Variants in KLF12 observed in about 807,000 individuals in gnomAD.
KLF12 encodes the protein Krueppel-like factor 12.
In KLF12, 9 loss-of-function variants were observed where a neutral mutation model predicts 37.8. That is an observed-to-expected ratio of 0.24 (90% CI 0.14 to 0.42). The LOEUF (loss-of-function observed/expected upper bound fraction) is 0.42. KLF12 is among the 10% of genes least tolerant of loss of function. The pLI is 1.00. For synonymous variants in KLF12, 208 were observed against 202.1 expected, an observed-to-expected ratio of 1.03 and a Z score of -0.25; for missense variants, 411 against 516.0, an observed-to-expected ratio of 0.80 and a Z score of 1.97.
At chr13:73,874,106 A>T (rs1886596382) in intron 3 of KLF12, among the ~76,000 whole-genome samples, 1 of 152,202 alleles carries the variant, frequency 6.6e-6, no homozygotes, top group Admixed American at 6.5e-5. Context: ...GGAGCTGTGG[A>T]CTACTTATTA....
intron 3 of KLF12, among the ~76,000 whole-genome samples, chr13:73,895,614 TAA>T (rs984776156): frequency 2.6e-5 from 4 of 152,096 alleles, no homozygotes; most frequent in African/African-American, 9.6e-5. Flanking sequence ...ATATATAAAA[TAA>T]AGAGTGGGCG....
chr13:73,897,480 G>C (rs1887841154), intron 3 of KLF12, among the ~76,000 whole-genome samples: 1 of 152,114 alleles, frequency 6.6e-6, no homozygotes, highest in Non-Finnish European at 1.5e-5. Context: ...TATTCCTCCA[G>C]GGCTCTCTAT....
chr13:73,979,258 T>C (rs1187329295), intron 2 of KLF12, among the ~76,000 whole-genome samples: 1 of 152,128 alleles, frequency 6.6e-6, no homozygotes, highest in Non-Finnish European at 1.5e-5. Context: ...AGAGGCTACA[T>C]GTGTGTCGGA....
intron 5 of KLF12, chr13:73,799,968 T>C (rs1882199730): frequency 1.3e-5 from 2 of 152,120 alleles, no homozygotes; most frequent in Admixed American, 1.3e-4. Context: ...ATTTAGATAA[T>C]AGTTTCAATT....
At chr13:73,793,609 C>T (rs1024574372) in intron 5 of KLF12, among the ~76,000 whole-genome samples, 2 of 152,220 alleles carry the variant, frequency 1.3e-5, no homozygotes, top group East Asian at 1.9e-4. Flanking sequence ...CTATTGTCTT[C>T]ATGACTAGTA....
In KLF12 at chr13:73,962,266, A is replaced by T. The variant is rs1290379158; in HGVS notation, c.34-18196T>A. Among the ~76,000 whole-genome samples the T allele has an allele frequency of 3.3e-5, 5 of 152,246 alleles. No individual in the cohort carries two copies. The East Asian group carries it at 7.7e-4, about 23-fold the overall frequency. On this transcript the variant is annotated intron_variant, in intron 2 of 7. Coordinates refer to ENST00000377669, the MANE Select transcript of KLF12 (RefSeq NM_007249.5). The stretch of plus-strand genomic sequence containing the variant: ...TATCCTATATGATTTCAACTCTATG[A>T]CATTTTGGAAAAGGCAAAACTACTG...
intron 5 of KLF12, among the ~76,000 whole-genome samples, chr13:73,777,272 T>C (rs141850569): frequency 2.1e-4 from 32 of 152,292 alleles, no homozygotes; most frequent in African/African-American, 7.5e-4. Context: ...ACTACCTTAA[T>C]GGGAAGAAGG....
At chr13:73,843,032 T>C (rs1053820210) in intron 4 of KLF12, among the ~76,000 whole-genome samples, 3 of 152,170 alleles carry the variant, frequency 2.0e-5, no homozygotes, top group East Asian at 1.9e-4. Flanking sequence ...CTAATAAAAA[T>C]AGAAAATATG....
chr13:74,249,217 G>A, the KLF12 span, among the ~76,000 whole-genome samples: 1 of 151,556 alleles, frequency 6.6e-6, no homozygotes, highest in African/African-American at 2.4e-5. Flanking sequence ...AAGCTACAAA[G>A]ATCAAGTGTT....
chr13:73,695,409 C>T lies in KLF12; in HGVS notation c.*81G>A. On this transcript the variant is annotated 3_prime_UTR_variant, in exon 8 of 8. Transcript: ENST00000377669. ...ATGGTGATGCCCTTTTGTGTTAACA[C>T]TGTGAAGGGGATTCAGCCCTGCTGA... 7.3e-7 allele frequency: 1 copy of T among 1,377,594 alleles called. No homozygotes were observed. The highest frequency in any genetic ancestry group is 1.3e-5 in the South Asian group (1 of 79,658). 85.3% of individuals were successfully genotyped at this position (1,377,594 alleles called of 1,614,324 possible).
At chr13:73,703,848 G>A (rs1874729696) in intron 7 of KLF12, among the ~76,000 whole-genome samples, 1 of 152,110 alleles carries the variant, frequency 6.6e-6, no homozygotes, top group South Asian at 2.1e-4. Context: ...TCAGAACTGG[G>A]CACGGAGACT....
At chr13:73,946,862 G>A (rs1302345053) in intron 2 of KLF12, among the ~76,000 whole-genome samples, 1 of 152,144 alleles carries the variant, frequency 6.6e-6, no homozygotes, top group East Asian at 1.9e-4. Flanking sequence ...ATCACAGCAT[G>A]CTCCAAACTA....
intron 1 of KLF12, among the ~76,000 whole-genome samples, chr13:74,012,615 C>A (rs1172179184): frequency 6.6e-6 from 1 of 152,178 alleles, no homozygotes; most frequent in East Asian, 1.9e-4. Context: ...AAATGTCAAA[C>A]CTCTGACAAC....
intron 4 of KLF12, among the ~76,000 whole-genome samples, chr13:73,827,515 C>T (rs1311912236): frequency 6.6e-6 from 1 of 152,140 alleles, no homozygotes; most frequent in Non-Finnish European, 1.5e-5. Context: ...AAAGAACACT[C>T]CCACCTTCCC....
At chr13:73,837,411 T>G (rs1298498423) in intron 4 of KLF12, among the ~76,000 whole-genome samples, 1 of 152,172 alleles carries the variant, frequency 6.6e-6, no homozygotes, top group Admixed American at 6.6e-5. Context: ...AATTTTTTGA[T>G]GGAATCTATT....
intron 7 of KLF12, among the ~76,000 whole-genome samples, chr13:73,702,676 A>T (rs968573325): frequency 1.8e-4 from 27 of 152,206 alleles, no homozygotes; most frequent in African/African-American, 6.0e-4. Flanking sequence ...ACTTTTATAA[A>T]GTTACGGGGC....
At chr13:73,829,041 T>C (rs1020658089) in intron 4 of KLF12, among the ~76,000 whole-genome samples, 3 of 152,130 alleles carry the variant, frequency 2.0e-5, no homozygotes, top group Admixed American at 1.3e-4. Flanking sequence ...ACTGCCCCTC[T>C]TCCTTTGCAA....
chr13:74,168,228 C>T, the KLF12 span, among the ~76,000 whole-genome samples: 1 of 152,174 alleles, frequency 6.6e-6, no homozygotes, highest in African/African-American at 2.4e-5. Context: ...TATCTGTGAG[C>T]CATTCTTTGC....
chr13:74,111,985 T>G (rs2138928701), intron 1 of KLF12, among the ~76,000 whole-genome samples: 1 of 152,284 alleles, frequency 6.6e-6, no homozygotes, highest in South Asian at 2.1e-4. Flanking sequence ...AGATTTTAAG[T>G]TATTCATATT....
Sources: allele counts gnomAD v4.1 joint callset (sites outside exome capture counted in the v4.1 genomes callset), GRCh38; gene constraint gnomAD v4.1.1; transcripts MANE v1.5; gene names NCBI Gene and HGNC (gene_info 2026-07-23, HGNC 2026-07-21).